Variants in SLC1A2 observed in about 807,000 individuals in gnomAD.
SLC1A2 encodes excitatory amino acid transporter 2.
In SLC1A2, 15 loss-of-function variants were observed where a neutral mutation model predicts 48.8. The ratio of observed to expected loss-of-function variants is 0.31; its 90% CI spans 0.21 to 0.47. The LOEUF (loss-of-function observed/expected upper bound fraction) is 0.47, where lower values mean the gene tolerates loss of function less well. Ranked by LOEUF, SLC1A2 falls within the 20% of genes least tolerant of loss-of-function variation. The probability of loss-of-function intolerance (pLI) is 0.99; values close to 1 mark genes in which losing one functional copy is unlikely to be tolerated. For synonymous variants in SLC1A2, 279 were observed against 272.6 expected (o/e 1.02, Z -0.23); for missense variants, 502 against 730.5 (o/e 0.69, Z 3.61).
intron 1 of SLC1A2, among the ~76,000 whole-genome samples, chr11:35,363,027 G>T (rs971176953): frequency 8.5e-5 from 13 of 152,228 alleles, no homozygotes; most frequent in African/African-American, 3.1e-4. Context: ...AAGGCACAGA[G>T]AGACTGAGCA....
intron 1 of SLC1A2, among the ~76,000 whole-genome samples, chr11:35,323,594 A>G (rs756194393): frequency 9.2e-5 from 14 of 152,208 alleles, no homozygotes; most frequent in Non-Finnish European, 2.1e-4. Context: ...ATTCAGTTCT[A>G]GAGATGTGGA....
At chr11:35,385,808 G>T (rs1854568474) in intron 1 of SLC1A2, among the ~76,000 whole-genome samples, 1 of 151,994 alleles carries the variant, frequency 6.6e-6, no homozygotes, top group Non-Finnish European at 1.5e-5. Flanking sequence ...GTAGAATTTG[G>T]CTCATCAAAG....
intron 1 of SLC1A2, among the ~76,000 whole-genome samples, chr11:35,350,110 A>G (rs1853190944): frequency 6.6e-6 from 1 of 152,216 alleles, no homozygotes; most frequent in African/African-American, 2.4e-5. Flanking sequence ...CATGGTATAT[A>G]TTCAATACCT....
chr11:35,295,538 G>T (rs1851143681), intron 6 of SLC1A2, among the ~76,000 whole-genome samples: 1 of 152,222 alleles, frequency 6.6e-6, no homozygotes, highest in Non-Finnish European at 1.5e-5. Flanking sequence ...AAATCAAAGT[G>T]CATAAAGAGG....
chr11:35,388,226 A>T (rs1590260655), intron 1 of SLC1A2, among the ~76,000 whole-genome samples: 1 of 152,260 alleles, frequency 6.6e-6, no homozygotes, highest in South Asian at 2.1e-4. Context: ...GAAAAGAGAA[A>T]GACCCGATGA....
intron 7 of SLC1A2, 149 bp downstream of exon 7, chr11:35,292,138 T>C: frequency 1.5e-6 from 1 of 676,840 alleles, no homozygotes; most frequent in East Asian, 2.5e-5. Context: ...GAGACAAAAA[T>C]TCAAATCATT....
At chr11:35,362,338 T>A (rs1853711804) in intron 1 of SLC1A2, among the ~76,000 whole-genome samples, 1 of 152,150 alleles carries the variant, frequency 6.6e-6, no homozygotes, top group African/African-American at 2.4e-5. Context: ...AGATATAACA[T>A]CTGAGAGAGG....
In SLC1A2 at chr11:35,259,174, T is replaced by C. The variant is rs1295448573; in HGVS notation, c.*1720A>G. On this transcript the variant is annotated 3_prime_UTR_variant, in exon 11 of 11. Transcript: ENST00000278379. Reference sequence around the variant, plus strand: ...TCATGTCTCTTGTATGTTTCAAAGGTATCTGATTTAAAAGAGAGAAGTCAC... The same window carrying C: ...TCATGTCTCTTGTATGTTTCAAAGGCATCTGATTTAAAAGAGAGAAGTCAC... The C allele has an allele frequency of 6.6e-6, 1 of 152,524 alleles. No homozygotes were observed. 9.4% of individuals were successfully genotyped at this position (152,524 alleles called of 1,614,324 possible).
rs1850868021 is a variant in SLC1A2, at chr11:35,287,579, A to C, written c.1092-628T>G. Among the ~76,000 whole-genome samples the C allele has an allele frequency of 1.3e-5, 2 of 152,218 alleles. 1 individual carries two copies. Among genetic ancestry groups the C allele is most frequent in the South Asian group, 4.1e-4 (2 of 4,828 alleles). On this transcript the variant is annotated intron_variant, in intron 7 of 10. Transcript: ENST00000278379. ...ATATATGCTCATCGGCCAATTCTAC[A>C]GTCACTTCAATGACATGGAGCAGGA...
chr11:35,388,661 C>T (rs1854658379), intron 1 of SLC1A2, among the ~76,000 whole-genome samples: 1 of 152,204 alleles, frequency 6.6e-6, no homozygotes, highest in African/African-American at 2.4e-5. Context: ...TCCCAAAGTG[C>T]TGGGATTACA....
At chr11:35,339,549 T>A (rs889672089) in intron 1 of SLC1A2, among the ~76,000 whole-genome samples, 2 of 152,122 alleles carry the variant, frequency 1.3e-5, no homozygotes, top group East Asian at 3.8e-4. Context: ...CAGATAGGGA[T>A]CCTGGTGACT....
At chr11:35,395,038 A>G (rs1197332240) in intron 1 of SLC1A2, among the ~76,000 whole-genome samples, 1 of 152,106 alleles carries the variant, frequency 6.6e-6, no homozygotes, top group African/African-American at 2.4e-5. Flanking sequence ...GCTCCTGGCC[A>G]TGCTATCCAT....
chr11:35,405,811 G>A (rs1267715015), intron 1 of SLC1A2, among the ~76,000 whole-genome samples: 1 of 152,060 alleles, frequency 6.6e-6, no homozygotes, highest in African/African-American at 2.4e-5. Flanking sequence ...ATTATTGACT[G>A]GTAGGCAGGA....
rs540007177 is a variant in SLC1A2 at position 35,341,448 on chromosome 11, G to A, written c.18-23932C>T. On this transcript the variant is annotated intron_variant, in intron 1 of 10. Coordinates refer to ENST00000278379, the MANE Select transcript of SLC1A2 (RefSeq NM_004171.4). ...TAAAACCCTGTTAAAAACCTAATAA[G>A]GTGTGTGATGTTCCGCTTCCTAAAG... is the stretch of plus-strand genomic sequence containing the variant. Among the ~76,000 whole-genome samples the A allele has an allele frequency of 1.2e-4, 18 of 152,254 alleles. No individual in the cohort carries two copies. In the East Asian group the frequency reaches 2.3e-3, roughly 20 times the overall value.
intron 1 of SLC1A2, among the ~76,000 whole-genome samples, chr11:35,351,769 G>A (rs998437881): frequency 2.0e-5 from 3 of 152,082 alleles, no homozygotes; most frequent in African/African-American, 7.2e-5. Flanking sequence ...CTGAGTAGCT[G>A]GGACTACAGG....
chr11:35,304,329 C>T (rs1403876893), intron 5 of SLC1A2, among the ~76,000 whole-genome samples: 1 of 152,078 alleles, frequency 6.6e-6, no homozygotes, highest in Non-Finnish European at 1.5e-5. Context: ...ATGGAGAAGA[C>T]TGAGGAACAC....
At chr11:35,417,107 C>T (rs1473124825) in intron 1 of SLC1A2, among the ~76,000 whole-genome samples, 7 of 152,164 alleles carry the variant, frequency 4.6e-5, no homozygotes, top group South Asian at 2.1e-4. Flanking sequence ...GTTTCCCAGC[C>T]GTTCAACTTT....
At chr11:35,361,975 G>A (rs575329661) in intron 1 of SLC1A2, among the ~76,000 whole-genome samples, 1 of 152,148 alleles carries the variant, frequency 6.6e-6, no homozygotes, top group Non-Finnish European at 1.5e-5. Flanking sequence ...GTGAGACCCT[G>A]TCTCAAAAAT....
intron 1 of SLC1A2, among the ~76,000 whole-genome samples, chr11:35,362,928 A>G (rs997763619): frequency 6.6e-6 from 1 of 152,226 alleles, no homozygotes; most frequent in African/African-American, 2.4e-5. Flanking sequence ...TGTGCCAGCC[A>G]CATTCTAAAT....
Sources: allele counts gnomAD v4.1 joint callset (sites outside exome capture counted in the v4.1 genomes callset), GRCh38; gene constraint gnomAD v4.1.1; transcripts MANE v1.5; gene names NCBI Gene and HGNC (gene_info 2026-07-23, HGNC 2026-07-21).